The following STK32C variants were observed in gnomAD, a reference collection of about 807,000 sequenced individuals.
STK32C encodes serine/threonine-protein kinase 32C.
Under a neutral mutation model 56.5 loss-of-function variants are expected in STK32C, and 31 were observed. The ratio of observed to expected loss-of-function variants is 0.55; its 90% CI spans 0.41 to 0.74. The LOEUF (loss-of-function observed/expected upper bound fraction) is 0.74, where lower values mean the gene tolerates loss of function less well. STK32C is among the 30% of genes least tolerant of loss of function. The pLI, the probability that STK32C is intolerant of heterozygous loss-of-function variation, is 0.00. For synonymous variants in STK32C, 309 were observed against 289.4 expected (o/e 1.07, Z -0.69); for missense variants, 544 against 676.9 (o/e 0.80, Z 2.18).
chr10:132,278,684 C>T (rs1427419184), intron 1 of STK32C, among the ~76,000 whole-genome samples: 1 of 147,984 alleles, frequency 6.8e-6, no homozygotes. Context: ...GGCATGAACC[C>T]GGGAGGCGGA....
chr10:132,317,944 C>T (rs2066337240), intron 1 of STK32C, among the ~76,000 whole-genome samples: 1 of 146,486 alleles, frequency 6.8e-6, no homozygotes, highest in Non-Finnish European at 1.5e-5. Context: ...CACCAAGGCA[C>T]TCCAGCCTGT....
intron 1 of STK32C, among the ~76,000 whole-genome samples, chr10:132,305,788 C>G (rs550943923): frequency 6.6e-6 from 1 of 152,226 alleles, no homozygotes. Context: ...AAGCGGTCAC[C>G]GCCCAGAGAT....
At chr10:132,230,345 G>A (rs947740483) in intron 2 of STK32C, among the ~76,000 whole-genome samples, 1 of 152,222 alleles carries the variant, frequency 6.6e-6, no homozygotes, top group Non-Finnish European at 1.5e-5. Flanking sequence ...CGGCAGCACG[G>A]CCTTCCTCCC....
In STK32C at chr10:132,225,934, T is replaced by C. The variant is rs2062873844; in HGVS notation, c.645-150A>G. 5 of 1,025,372 alleles carry C rather than the reference T, an allele frequency of 4.9e-6. No individual in the cohort carries two copies. In the African/African-American group the frequency reaches 6.3e-5, roughly 13 times the overall value. The allele number at this position is 1,025,372 out of a possible 1,614,324, so 63.5% of individuals were successfully genotyped here. ...GCTTGACTTGGTCCTTGGATGATGC[T>C]AGGACCTCACACCCCTGCGTGGGGG... On this transcript the variant is annotated intron_variant, in intron 4 of 11. Coordinates refer to ENST00000298630, the MANE Select transcript of STK32C (RefSeq NM_173575.4).
At chr10:132,272,434 C>A (rs1274741815) in intron 1 of STK32C, among the ~76,000 whole-genome samples, 2 of 152,216 alleles carry the variant, frequency 1.3e-5, no homozygotes, top group Non-Finnish European at 1.5e-5. Flanking sequence ...AAACCCACAA[C>A]CCAAATCTAA....
At chr10:132,213,167 T>C (rs2062368282) in intron 10 of STK32C, among the ~76,000 whole-genome samples, 1 of 152,166 alleles carries the variant, frequency 6.6e-6, no homozygotes, top group Admixed American at 6.5e-5. Context: ...TGGAATTTGC[T>C]CTCCAAAGGA....
chr10:132,299,954 C>A (rs1171664082), intron 1 of STK32C, among the ~76,000 whole-genome samples: 1 of 152,244 alleles, frequency 6.6e-6, no homozygotes, highest in African/African-American at 2.4e-5. Flanking sequence ...GGCAGAGGTG[C>A]ATGGAGTAGG....
At chr10:132,279,488 A>G (rs1470729595) in intron 1 of STK32C, among the ~76,000 whole-genome samples, 2 of 152,074 alleles carry the variant, frequency 1.3e-5, no homozygotes. Context: ...GACCAGGTGC[A>G]GTGGCTCACA....
intron 1 of STK32C, among the ~76,000 whole-genome samples, chr10:132,330,018 A>G (rs139839990): frequency 6.6e-6 from 1 of 152,324 alleles, no homozygotes; most frequent in African/African-American, 2.4e-5. Context: ...ACAGGAAATG[A>G]CTCAACAAGG....
intron 11 of STK32C, among the ~76,000 whole-genome samples, chr10:132,208,398 G>A (rs1213668943): frequency 6.6e-6 from 1 of 152,222 alleles, no homozygotes; most frequent in Non-Finnish European, 1.5e-5. Flanking sequence ...AGGCCTGACT[G>A]TGCAGGTGCC....
intron 2 of STK32C, among the ~76,000 whole-genome samples, chr10:132,230,690 G>GC (rs1266802704): frequency 6.9e-6 from 1 of 144,114 alleles, no homozygotes; most frequent in Non-Finnish European, 1.5e-5. Context: ...GGGGGGGGGG[G>GC]GGCTGCAGAG....
intron 10 of STK32C, among the ~76,000 whole-genome samples, chr10:132,219,624 G>A (rs900487222): frequency 6.6e-6 from 1 of 152,136 alleles, no homozygotes; most frequent in African/African-American, 2.4e-5. Context: ...TCTCAGCAGT[G>A]CCTCACAGTG....
chr10:132,280,554 G>A lies in STK32C; in HGVS notation c.262+27018C>T, dbSNP rs547271397. On this transcript the variant is annotated intron_variant, in intron 1 of 11. Coordinates refer to ENST00000298630, the MANE Select transcript of STK32C (RefSeq NM_173575.4). ...GCTGAGGCCTCCACACCGTGACCAC[G>A]CCCCTGCACCCCGTGACCACGCCCC... 2.5e-4 allele frequency among the ~76,000 whole-genome samples: 29 copies of A among 117,826 alleles called. No individual in the cohort carries two copies. The East Asian group carries it at 7.5e-3, about 31-fold the overall frequency. 77.3% of individuals were successfully genotyped at this position (117,826 alleles called of 152,430 possible). A position where few individuals can be genotyped will look rare whatever the true frequency, so the allele number is the denominator to read the frequency against.
chr10:132,295,858 G>A (rs1215006509), intron 1 of STK32C, among the ~76,000 whole-genome samples: 3 of 152,098 alleles, frequency 2.0e-5, no homozygotes, highest in Admixed American at 6.6e-5. Context: ...ACTCCAGCCC[G>A]GGCGACGGAG....
chr10:132,241,734 CG>C (rs1747337540), intron 2 of STK32C, among the ~76,000 whole-genome samples: 1 of 152,174 alleles, frequency 6.6e-6, no homozygotes, highest in South Asian at 2.1e-4. Context: ...GGGGACAGAG[CG>C]GGAAGCCCAG....
intron 10 of STK32C, among the ~76,000 whole-genome samples, chr10:132,220,329 C>T (rs2062597316): frequency 6.6e-6 from 1 of 152,230 alleles, no homozygotes. Flanking sequence ...GACTGGTTTT[C>T]CTCCCCGGAG....
chr10:132,237,175 T>TGACTGTGCTCCCTGGACTGTGCTCCCTG (rs141227794), intron 2 of STK32C, among the ~76,000 whole-genome samples: 1 of 150,926 alleles, frequency 6.6e-6, no homozygotes, highest in Non-Finnish European at 1.5e-5. Flanking sequence ...TCCCACTCCC[T>TGACTGTGCTCCCTGGACTGTGCTCCCTG]GACTGTGCTC....
intron 1 of STK32C, among the ~76,000 whole-genome samples, chr10:132,247,944 G>A (rs895587723): frequency 7.2e-5 from 11 of 152,206 alleles, no homozygotes; most frequent in South Asian, 2.1e-4. Flanking sequence ...CAGAAAGGCC[G>A]CAGAGGACGG....
At chr10:132,247,912 G>C (rs1036708410) in intron 1 of STK32C, among the ~76,000 whole-genome samples, 4 of 152,150 alleles carry the variant, frequency 2.6e-5, no homozygotes, top group Non-Finnish European at 5.9e-5. Context: ...GAGGCTGCCA[G>C]GCATCAGAGC....
Sources: gnomAD v4.1 joint callset for allele counts (sites outside exome capture counted in the v4.1 genomes callset) on GRCh38, gnomAD v4.1.1 for gene constraint, MANE v1.5 for transcripts, NCBI Gene and HGNC (gene_info 2026-07-23, HGNC 2026-07-21) for gene names.